RBPJ: variants seen among roughly 807,000 people sequenced by gnomAD.
RBPJ encodes the protein recombination signal binding protein for immunoglobulin kappa J region.
A neutral mutation model predicts 67.8 loss-of-function variants in RBPJ; 9 were observed. The observed-to-expected ratio is 0.13, with a 90% CI of 0.08 to 0.23. The LOEUF is 0.23. Among genes scored for constraint, RBPJ ranks in the 10% least tolerant of loss-of-function variants. The probability of loss-of-function intolerance (pLI) is 1.00; values close to 1 mark genes in which losing one functional copy is unlikely to be tolerated. For synonymous variants in RBPJ, 198 were observed against 203.3 expected, an observed-to-expected ratio of 0.97 and a Z score of 0.22; for missense variants, 305 against 595.6, an observed-to-expected ratio of 0.51 and a Z score of 5.08.
intron 1 of RBPJ, among the ~76,000 whole-genome samples, chr4:26,166,024 A>G (rs1467793350): frequency 1.3e-5 from 2 of 151,076 alleles, no homozygotes; most frequent in Non-Finnish European, 2.9e-5. Context: ...AATTTCATCC[A>G]TGTCCCTACA....
In RBPJ at chr4:26,264,744, C is replaced by T. The variant is rs78386132; in HGVS notation, c.-166-97702C>T. Among the ~76,000 whole-genome samples the T allele has an allele frequency of 5.4e-4, 82 of 152,312 alleles. No individual in the cohort carries two copies. Among genetic ancestry groups the T allele is most frequent in the African/African-American group, 1.9e-3 (81 of 41,580 alleles). On this transcript the variant is annotated intron_variant, in intron 1 of 4. Coordinates refer to the RBPJ transcript ENST00000512351. This position sits in a 1 kb window ranked among gnomAD's most constrained non-coding sequence, Gnocchi z 4.1. ...CAGCTTAGTTGTCACTTTCTTGGCC[C>T]CTCAAGATGACGTTGGTGCCCCTGC...
At chr4:26,384,667 G>A (rs961032085) in intron 1 of RBPJ, 5 of 151,988 alleles carry the variant, frequency 3.3e-5, no homozygotes, top group African/African-American at 1.2e-4. Flanking sequence ...TATTAAAATC[G>A]TATTTAGTTC....
chr4:26,280,395 CAAAAAAAAAAA>C (rs11295196), intron 1 of RBPJ, among the ~76,000 whole-genome samples: 18 of 86,818 alleles, frequency 2.1e-4, no homozygotes, highest in African/African-American at 7.7e-4. Context: ...CACTTCATCT[CAAAAAAAAAAA>C]AAAAAAAAAA....
intron 1 of RBPJ, among the ~76,000 whole-genome samples, chr4:26,341,144 C>T (rs147760302): frequency 6.6e-6 from 1 of 152,280 alleles, no homozygotes; most frequent in Non-Finnish European, 1.5e-5. Flanking sequence ...CCAGGGGCTA[C>T]ATTCTGGACA....
At chr4:26,124,341 A>G in the RBPJ span, among the ~76,000 whole-genome samples, 1 of 148,672 alleles carries the variant, frequency 6.7e-6, no homozygotes, top group East Asian at 2.0e-4. Flanking sequence ...ACTTAGAATA[A>G]TAATCTCCAG....
At chr4:26,303,050 G>A (rs1056155523) in intron 1 of RBPJ, among the ~76,000 whole-genome samples, 5 of 151,756 alleles carry the variant, frequency 3.3e-5, no homozygotes, top group Non-Finnish European at 7.4e-5. Flanking sequence ...GCATGGTAAC[G>A]CATGCCTGTA....
chr4:26,355,533 C>T (rs1309014097), intron 1 of RBPJ, among the ~76,000 whole-genome samples: 1 of 151,284 alleles, frequency 6.6e-6, no homozygotes, highest in African/African-American at 2.4e-5. Context: ...TCTGTAGTCC[C>T]AGCCACACAG....
chr4:26,184,869 C>T (rs983163445), intron 1 of RBPJ, among the ~76,000 whole-genome samples: 2 of 152,168 alleles, frequency 1.3e-5, no homozygotes, highest in South Asian at 2.1e-4. Flanking sequence ...GGGCCGGGTG[C>T]GGTGGCTCAT....
At chr4:26,276,480 A>T (rs1464522383) in intron 1 of RBPJ, among the ~76,000 whole-genome samples, 1 of 152,034 alleles carries the variant, frequency 6.6e-6, no homozygotes, top group Non-Finnish European at 1.5e-5. Context: ...TACATGTCCC[A>T]ATGAAATCGC....
chr4:26,159,072 G>A (rs373514877), upstream of RBPJ, among the ~76,000 whole-genome samples: 7 of 151,702 alleles, frequency 4.6e-5, no homozygotes, highest in African/African-American at 1.7e-4. Flanking sequence ...GGAAGAAAGG[G>A]TTTAGAGACC....
At chr4:26,395,737 C>G (rs1018587241) in intron 2 of RBPJ, among the ~76,000 whole-genome samples, 7 of 152,170 alleles carry the variant, frequency 4.6e-5, no homozygotes, top group Non-Finnish European at 1.0e-4. Flanking sequence ...CAATAAACCT[C>G]TTTCTAAAAT....
At chr4:26,416,539 T>A (rs1460560009) in intron 4 of RBPJ, among the ~76,000 whole-genome samples, 4 of 152,206 alleles carry the variant, frequency 2.6e-5, no homozygotes, top group Admixed American at 2.6e-4. Context: ...CAATCTATAC[T>A]TTTAGTATTG....
intron 1 of RBPJ, among the ~76,000 whole-genome samples, chr4:26,183,414 T>C (rs1717091904): frequency 6.6e-6 from 1 of 152,200 alleles, no homozygotes; most frequent in South Asian, 2.1e-4. Flanking sequence ...ACGTTCTTGT[T>C]AGTAACCGTC....
intron 1 of RBPJ, among the ~76,000 whole-genome samples, chr4:26,224,146 C>G (rs1024694444): frequency 1.3e-5 from 2 of 152,250 alleles, no homozygotes; most frequent in Admixed American, 6.5e-5. Context: ...CACAGAACAT[C>G]TATCTTGGAC....
intron 1 of RBPJ, among the ~76,000 whole-genome samples, chr4:26,214,990 GGGAGGGAGGGAA>G (rs1560214257): frequency 5.1e-5 from 2 of 39,008 alleles, no homozygotes; most frequent in Non-Finnish European, 8.9e-5. Context: ...GAAGGAGGGA[GGGAGGGAGGGAA>G]GGAAGGAAGG....
chr4:26,358,788 A>AG (rs1406265091), intron 1 of RBPJ, among the ~76,000 whole-genome samples: 5 of 151,772 alleles, frequency 3.3e-5, no homozygotes, highest in Admixed American at 3.3e-4. Flanking sequence ...GTCTCTTAAA[A>AG]AAAAAAAAAA....
At chr4:26,363,463 G>A (rs1728287840) in intron 1 of RBPJ, among the ~76,000 whole-genome samples, 1 of 152,114 alleles carries the variant, frequency 6.6e-6, no homozygotes, top group South Asian at 2.1e-4. Flanking sequence ...TGTTGAGACC[G>A]ATTCTTGCTC....
upstream of RBPJ, among the ~76,000 whole-genome samples, chr4:26,314,713 G>A (rs529346448): frequency 7.2e-4 from 110 of 152,236 alleles, no homozygotes; most frequent in Non-Finnish European, 1.3e-3. Context: ...CATGCTTCCT[G>A]TACAGTCTGC....
At chr4:26,122,182 T>C in the RBPJ span, among the ~76,000 whole-genome samples, 1 of 152,140 alleles carries the variant, frequency 6.6e-6, no homozygotes, top group African/African-American at 2.4e-5. Context: ...CCAATGAGGA[T>C]AAAACAGATT....
Sources: gnomAD v4.1 joint callset for allele counts (sites outside exome capture counted in the v4.1 genomes callset) on GRCh38, gnomAD v4.1.1 for gene constraint, Gnocchi (gnomAD v3.1) non-coding constraint, MANE v1.5 for transcripts, NCBI Gene and HGNC (gene_info 2026-07-23, HGNC 2026-07-21) for gene names.